PPP1R9A: variants seen among roughly 807,000 people sequenced by gnomAD.
The protein encoded by PPP1R9A is neurabin-1.
A neutral mutation model predicts 141.9 loss-of-function variants in PPP1R9A; 59 were observed. The ratio of observed to expected loss-of-function variants is 0.42; its 90% confidence interval spans 0.34 to 0.52. The LOEUF (loss-of-function observed/expected upper bound fraction) is 0.52, where lower values mean the gene tolerates loss of function less well. PPP1R9A is among the 20% of genes least tolerant of loss of function. The pLI, the probability that PPP1R9A is intolerant of heterozygous loss-of-function variation, is 0.10. For missense variants in PPP1R9A, 1,444 were observed against 1,611.9 expected (o/e 0.90, Z 1.78); for synonymous variants, 500 against 569.7 (o/e 0.88, Z 1.74).
chr7:95,196,281 C>T (rs1292429630), intron 5 of PPP1R9A, among the ~76,000 whole-genome samples: 5 of 152,074 alleles, frequency 3.3e-5, no homozygotes, highest in African/African-American at 7.2e-5. Context: ...TGAAATACCA[C>T]AAGATACCTA....
chr7:95,247,561 T>G, intron 9 of PPP1R9A, 35 bp downstream of exon 9: 1 of 1,536,072 alleles, frequency 6.5e-7, no homozygotes, highest in Non-Finnish European at 9.0e-7. Flanking sequence ...AATTTTACTT[T>G]TTAAACTTCA....
chr7:95,277,307 G>A (rs1240880980), intron 16 of PPP1R9A, among the ~76,000 whole-genome samples: 3 of 152,042 alleles, frequency 2.0e-5, no homozygotes, highest in Non-Finnish European at 2.9e-5. Context: ...AGATACATGC[G>A]CGACATGAGA....
chr7:95,046,689 A>G (rs1194362446), intron 2 of PPP1R9A, among the ~76,000 whole-genome samples: 1 of 152,196 alleles, frequency 6.6e-6, no homozygotes, highest in Non-Finnish European at 1.5e-5. Flanking sequence ...TGGGGACATC[A>G]GCTGCTACTT....
chr7:95,251,792 A>C lies in PPP1R9A; in HGVS notation c.2427A>C (p.Ala809=). The C allele has an allele frequency of 1.2e-6, 2 of 1,613,820 alleles. No individual in the cohort carries two copies. The highest frequency in any genetic ancestry group is 2.2e-5 in the South Asian group (2 of 91,068). ...KELDFIKRQE[A]ERKKIEDLEK... is the part of the protein sequence containing the mutation. ...TTGATTTCATCAAAAGACAGGAAGC[A>C]GAAAGAAAGAAAATAGAAGATTTGG... The change falls in exon 11 of 20, where the codon GCA becomes GCC. Residue 809 remains alanine (A), a synonymous_variant. Coordinates refer to ENST00000433360, the MANE Select transcript of PPP1R9A (RefSeq NM_001166160.2).
chr7:95,262,219 A>G (rs1800540360), intron 12 of PPP1R9A, among the ~76,000 whole-genome samples: 1 of 152,170 alleles, frequency 6.6e-6, no homozygotes, highest in Non-Finnish European at 1.5e-5. Context: ...AGACATTCAC[A>G]TATCCTAGCT....
At chr7:94,932,763 ATTTTTTT>A (rs34284096) in intron 2 of PPP1R9A, among the ~76,000 whole-genome samples, 1 of 119,758 alleles carries the variant, frequency 8.4e-6, no homozygotes, top group African/African-American at 3.3e-5. Flanking sequence ...TACCTGAAGC[ATTTTTTT>A]TTTTTTTTTT....
intron 2 of PPP1R9A, among the ~76,000 whole-genome samples, chr7:95,020,718 G>T (rs1298855737): frequency 6.6e-6 from 1 of 152,010 alleles, no homozygotes; most frequent in Non-Finnish European, 1.5e-5. Flanking sequence ...TTGGTTTTCT[G>T]TTCTTGTGTT....
chr7:95,058,776 GTTTTCTTTTC>G (rs895769451), intron 2 of PPP1R9A, among the ~76,000 whole-genome samples: 4 of 151,850 alleles, frequency 2.6e-5, no homozygotes, highest in East Asian at 1.9e-4. Flanking sequence ...CAAAGCTTTA[GTTTTCTTTTC>G]TTTTCTTTTC....
chr7:94,943,972 A>C (rs1795611240), intron 2 of PPP1R9A, among the ~76,000 whole-genome samples: 1 of 152,096 alleles, frequency 6.6e-6, no homozygotes, highest in South Asian at 2.1e-4. Flanking sequence ...TACTTACCTC[A>C]TGCTATCTGT....
chr7:95,285,695 C>T (rs1171639638), intron 17 of PPP1R9A, among the ~76,000 whole-genome samples: 1 of 152,184 alleles, frequency 6.6e-6, no homozygotes, highest in Non-Finnish European at 1.5e-5. Context: ...TCCCCCAGAA[C>T]TCATCATCTT....
chr7:95,197,487 C>T (rs1205729079), intron 5 of PPP1R9A, among the ~76,000 whole-genome samples: 1 of 152,058 alleles, frequency 6.6e-6, no homozygotes, highest in Admixed American at 6.6e-5. Context: ...AATCACACCC[C>T]TTCTCATACT....
chr7:95,216,927 A>G (rs1793536007), intron 7 of PPP1R9A, among the ~76,000 whole-genome samples: 1 of 152,138 alleles, frequency 6.6e-6, no homozygotes, highest in African/African-American at 2.4e-5. Flanking sequence ...GGACAATTTG[A>G]CTTCCTCTTT....
chr7:94,997,246 T>C (rs1802311761), intron 2 of PPP1R9A, among the ~76,000 whole-genome samples: 1 of 152,178 alleles, frequency 6.6e-6, no homozygotes, highest in Non-Finnish European at 1.5e-5. Flanking sequence ...CTACTAAGTT[T>C]ATTATTTCTT....
At chr7:95,026,238 G>A (rs576152317) in intron 2 of PPP1R9A, among the ~76,000 whole-genome samples, 13 of 152,272 alleles carry the variant, frequency 8.5e-5, no homozygotes, top group Admixed American at 8.5e-4. Context: ...TTTGATGTTG[G>A]TGACCTTCAG....
chr7:95,041,232 A>G (rs1258744690), intron 2 of PPP1R9A, among the ~76,000 whole-genome samples: 1 of 152,192 alleles, frequency 6.6e-6, no homozygotes, highest in Admixed American at 6.5e-5. Context: ...TTAGTAGACG[A>G]ATCTCAAAAT....
At chr7:95,286,965 C>CTTTTTTTTTTTTT in intron 18 of PPP1R9A, 1 of 762,480 alleles carries the variant, frequency 1.3e-6, no homozygotes, top group Non-Finnish European at 2.0e-6. Context: ...ATTCACAAAA[C>CTTTTTTTTTTTTT]TTTTTTTTTT....
intron 2 of PPP1R9A, among the ~76,000 whole-genome samples, chr7:94,978,699 C>A (rs982440849): frequency 6.6e-6 from 1 of 152,148 alleles, no homozygotes; most frequent in Admixed American, 6.6e-5. Flanking sequence ...AATACTGTTT[C>A]AACTTTTCAA....
chr7:95,020,099 A>G (rs1033769434), intron 2 of PPP1R9A, among the ~76,000 whole-genome samples: 1 of 152,146 alleles, frequency 6.6e-6, no homozygotes, highest in African/African-American at 2.4e-5. Context: ...TTACCCTTAA[A>G]GAAGCCAGAC....
intron 2 of PPP1R9A, among the ~76,000 whole-genome samples, chr7:94,989,486 T>C (rs1248748871): frequency 1.3e-5 from 2 of 152,108 alleles, no homozygotes; most frequent in Admixed American, 6.5e-5. Flanking sequence ...CTCTCAGTTA[T>C]CTACAGCAGT....
Sources: gnomAD v4.1 joint callset for allele counts (sites outside exome capture counted in the v4.1 genomes callset) on GRCh38, gnomAD v4.1.1 for gene constraint, MANE v1.5 for transcripts, NCBI Gene and HGNC (gene_info 2026-07-23, HGNC 2026-07-21) for gene names.